Variants in PTPRD observed in about 807,000 individuals in gnomAD.
PTPRD encodes the protein receptor-type tyrosine-protein phosphatase delta.
In PTPRD, 34 loss-of-function variants were observed where a neutral mutation model predicts 214.5. The observed-to-expected ratio is 0.16, with a 90% CI of 0.12 to 0.21. The LOEUF (loss-of-function observed/expected upper bound fraction) is 0.21, where lower values mean the gene tolerates loss of function less well. PTPRD is among the 10% of genes least tolerant of loss of function. The pLI, the probability that PTPRD is intolerant of heterozygous loss-of-function variation, is 1.00. For synonymous variants in PTPRD, 1,128 were observed against 845.7 expected, an observed-to-expected ratio of 1.33 and a Z score of -5.79; for missense variants, 2,545 against 2,398.7, an observed-to-expected ratio of 1.06 and a Z score of -1.27.
intron 2 of PTPRD, among the ~76,000 whole-genome samples, chr9:10,604,836 T>C (rs1236773582): frequency 6.6e-6 from 1 of 151,934 alleles, no homozygotes; most frequent in Non-Finnish European, 1.5e-5. Context: ...ATTTTTTCTA[T>C]ACTTGTGATG....
At chr9:9,531,928 T>C (rs1382025046) in intron 8 of PTPRD, among the ~76,000 whole-genome samples, 1 of 151,936 alleles carries the variant, frequency 6.6e-6, no homozygotes, top group Non-Finnish European at 1.5e-5. Context: ...TTGATATAAA[T>C]CTATTACTGA....
chr9:10,563,835 T>G (rs1449220109), intron 2 of PTPRD, among the ~76,000 whole-genome samples: 1 of 151,748 alleles, frequency 6.6e-6, no homozygotes, highest in Non-Finnish European at 1.5e-5. Context: ...ACATAATTAT[T>G]TATTTATTTA....
intron 9 of PTPRD, among the ~76,000 whole-genome samples, chr9:9,245,588 G>A (rs2099972665): frequency 6.6e-6 from 1 of 151,764 alleles, no homozygotes; most frequent in Admixed American, 6.6e-5. Context: ...TTGGACACAG[G>A]AAGGGGAACA....
At chr9:8,915,961 GAGA>G (rs777060237) in intron 11 of PTPRD, among the ~76,000 whole-genome samples, 3 of 152,158 alleles carry the variant, frequency 2.0e-5, no homozygotes, top group Non-Finnish European at 2.9e-5. Flanking sequence ...AGGAATGAAG[GAGA>G]AGAAGGTGTT....
intron 2 of PTPRD, among the ~76,000 whole-genome samples, chr9:10,428,575 A>G (rs1320397589): frequency 1.3e-5 from 2 of 152,038 alleles, no homozygotes; most frequent in East Asian, 1.9e-4. Flanking sequence ...TGACAACTCA[A>G]CCTTCTTAAG....
chr9:8,584,803 C>T (rs1255293082), intron 14 of PTPRD, among the ~76,000 whole-genome samples: 1 of 152,192 alleles, frequency 6.6e-6, no homozygotes, highest in Non-Finnish European at 1.5e-5. Context: ...AACTGACTAA[C>T]AGTTCAGAAT....
rs562845780 is a variant in PTPRD, at chr9:10,500,026, T to G, written c.-600+112372A>C. Among the ~76,000 whole-genome samples the G allele has an allele frequency of 6.0e-5, 9 of 150,870 alleles. No homozygotes were observed. The East Asian group carries it at 1.4e-3, about 23-fold the overall frequency. ...TCTGTCCCCAAACCAAATATCTTTA[T>G]AAGACCATGACCTTTTTCCAATATT... On this transcript the variant is annotated intron_variant, in intron 2 of 45. Coordinates refer to ENST00000381196, the MANE Select transcript of PTPRD (RefSeq NM_002839.4).
intron 8 of PTPRD, among the ~76,000 whole-genome samples, chr9:9,563,808 A>G (rs1250680745): frequency 2.6e-5 from 4 of 152,282 alleles, no homozygotes; most frequent in African/African-American, 9.6e-5. Context: ...TTCTCATACT[A>G]TAGAACTAGA....
At chr9:8,333,624 C>T (rs12236853) in intron 43 of PTPRD, among the ~76,000 whole-genome samples, 19,064 of 151,740 alleles carry the variant, frequency 0.13, 1,450 homozygotes, top group African/African-American at 0.21. Context: ...AGACCATCAA[C>T]GCTATGAAGA....
At chr9:8,343,360 C>G (rs975570137) in intron 39 of PTPRD, among the ~76,000 whole-genome samples, 1 of 151,964 alleles carries the variant, frequency 6.6e-6, no homozygotes, top group Admixed American at 6.6e-5. Flanking sequence ...AGTATAAACC[C>G]ACAAATTGAC....
chr9:9,484,035 C>A (rs1162201667), intron 8 of PTPRD, among the ~76,000 whole-genome samples: 2 of 151,558 alleles, frequency 1.3e-5, no homozygotes, highest in Non-Finnish European at 2.9e-5. Context: ...ATCTTTGTAT[C>A]CTTTTTATAA....
intron 14 of PTPRD, among the ~76,000 whole-genome samples, chr9:8,550,675 G>C (rs2140726538): frequency 1.3e-5 from 2 of 152,284 alleles, no homozygotes; most frequent in South Asian, 4.1e-4. Context: ...ATATGCAAGA[G>C]AAACCTAGAA....
chr9:10,509,088 T>C (rs540849311), intron 2 of PTPRD, among the ~76,000 whole-genome samples: 3 of 152,076 alleles, frequency 2.0e-5, no homozygotes, highest in African/African-American at 4.8e-5. Context: ...TCCTTTGTAA[T>C]TATAAAATAT....
intron 3 of PTPRD, among the ~76,000 whole-genome samples, chr9:10,223,466 C>T (rs1398494906): frequency 6.6e-6 from 1 of 151,766 alleles, no homozygotes; most frequent in Non-Finnish European, 1.5e-5. Context: ...GGAGTTAGGA[C>T]CAGCCTGGCC....
chr9:8,893,824 G>A (rs973126015), intron 11 of PTPRD, among the ~76,000 whole-genome samples: 1 of 152,136 alleles, frequency 6.6e-6, no homozygotes, highest in Non-Finnish European at 1.5e-5. Context: ...ATGACACAAT[G>A]TTGAGGGAAG....
At chr9:9,943,571 G>A (rs561735681) in intron 4 of PTPRD, among the ~76,000 whole-genome samples, 4 of 152,202 alleles carry the variant, frequency 2.6e-5, no homozygotes, top group Non-Finnish European at 5.9e-5. Context: ...ATGTAATTAA[G>A]CAAATAATAT....
At chr9:8,667,190 T>C (rs2097186952) in intron 12 of PTPRD, among the ~76,000 whole-genome samples, 1 of 151,800 alleles carries the variant, frequency 6.6e-6, no homozygotes, top group Non-Finnish European at 1.5e-5. Flanking sequence ...AATACAAAAA[T>C]TAGCTGGGCG....
intron 3 of PTPRD, among the ~76,000 whole-genome samples, chr9:10,128,259 G>A (rs2154254849): frequency 6.6e-6 from 1 of 152,224 alleles, no homozygotes; most frequent in South Asian, 2.1e-4. Context: ...GGCTTAGAAT[G>A]TGACATAATT....
At chr9:9,722,430 T>C (rs2097971879) in intron 7 of PTPRD, among the ~76,000 whole-genome samples, 3 of 152,114 alleles carry the variant, frequency 2.0e-5, no homozygotes, top group Admixed American at 6.6e-5. Flanking sequence ...AAAAATAGCA[T>C]TGTAAAATCT....
Sources: gnomAD v4.1 joint callset for allele counts (sites outside exome capture counted in the v4.1 genomes callset) on GRCh38, gnomAD v4.1.1 for gene constraint, MANE v1.5 for transcripts, NCBI Gene and HGNC (gene_info 2026-07-23, HGNC 2026-07-21) for gene names.